Variants in COL4A1 observed in about 807,000 individuals in gnomAD.
The protein encoded by COL4A1 is collagen alpha-1(IV) chain.
In COL4A1, 40 loss-of-function variants were observed where a neutral mutation model predicts 216.6. The observed-to-expected ratio is 0.18, with a 90% CI of 0.14 to 0.24. The LOEUF (loss-of-function observed/expected upper bound fraction) is 0.24, where lower values mean the gene tolerates loss of function less well. COL4A1 is among the 10% of genes least tolerant of loss of function. The pLI, the probability that COL4A1 is intolerant of heterozygous loss-of-function variation, is 1.00. For synonymous variants in COL4A1, 839 were observed against 810.7 expected (o/e 1.03, Z -0.59); for missense variants, 1,628 against 2,196.8 (o/e 0.74, Z 5.18).
At chr13:110,186,677 C>G in intron 25 of COL4A1, 124 bp from the exon 26 acceptor site, 1 of 1,235,440 alleles carries the variant, frequency 8.1e-7, no homozygotes, top group Non-Finnish European at 1.1e-6. Context: ...TATTTATTTA[C>G]TTCATCTACC....
At chr13:110,302,100 G>A (rs905821301) in intron 1 of COL4A1, among the ~76,000 whole-genome samples, 4 of 152,152 alleles carry the variant, frequency 2.6e-5, no homozygotes, top group Non-Finnish European at 4.4e-5. Flanking sequence ...CGTGGGAAGG[G>A]AAAGCTGCGG....
At chr13:110,220,104 A>G (rs1880402846) in intron 2 of COL4A1, among the ~76,000 whole-genome samples, 1 of 151,588 alleles carries the variant, frequency 6.6e-6, no homozygotes, top group Admixed American at 6.6e-5. Flanking sequence ...TGCGCCGCTA[A>G]TTTTTGTATT....
chr13:110,236,580 A>G (rs1447022243), intron 2 of COL4A1, among the ~76,000 whole-genome samples: 1 of 152,188 alleles, frequency 6.6e-6, no homozygotes, highest in African/African-American at 2.4e-5. Flanking sequence ...CCTGAGTCAA[A>G]GAGAGGACGT....
At chr13:110,247,701 C>A (rs1048116946) in intron 1 of COL4A1, among the ~76,000 whole-genome samples, 1 of 151,342 alleles carries the variant, frequency 6.6e-6, no homozygotes, top group African/African-American at 2.4e-5. Context: ...GAATTCCATT[C>A]CAGAGGATGC....
At chr13:110,267,257 A>G (rs1012740653) in intron 1 of COL4A1, among the ~76,000 whole-genome samples, 1 of 152,126 alleles carries the variant, frequency 6.6e-6, no homozygotes, top group African/African-American at 2.4e-5. Flanking sequence ...CCCCTGCATG[A>G]CCCAGTGGAG....
chr13:110,253,837 C>T (rs926316835), intron 1 of COL4A1, among the ~76,000 whole-genome samples: 19 of 133,244 alleles, frequency 1.4e-4, no homozygotes, highest in Non-Finnish European at 2.3e-4. Flanking sequence ...ATTATATATA[C>T]GTATAATTAT....
At chr13:110,288,274 A>AAAAAT (rs1555316110) in intron 1 of COL4A1, among the ~76,000 whole-genome samples, 4 of 139,462 alleles carry the variant, frequency 2.9e-5, no homozygotes, top group Admixed American at 1.4e-4. Flanking sequence ...AAAAAAAAAA[A>AAAAAT]AATAATAATA....
chr13:110,271,159 C>T (rs982744488), intron 1 of COL4A1, among the ~76,000 whole-genome samples: 1 of 152,170 alleles, frequency 6.6e-6, no homozygotes, highest in Admixed American at 6.5e-5. Context: ...AAAGGGAAAG[C>T]TCTTCCCTTC....
intron 1 of COL4A1, chr13:110,265,924 C>G (rs1418285375): frequency 6.6e-6 from 1 of 152,210 alleles, no homozygotes; most frequent in African/African-American, 2.4e-5. Flanking sequence ...CCAGACTCCA[C>G]CATGCCTGCT....
At chr13:110,248,403 A>C (rs928970486) in intron 1 of COL4A1, among the ~76,000 whole-genome samples, 1 of 152,130 alleles carries the variant, frequency 6.6e-6, no homozygotes, top group African/African-American at 2.4e-5. Flanking sequence ...TCCTTCCCCC[A>C]AATTCCACTC....
Position 110,223,540 on chromosome 13 carries a change from A to T in COL4A1, c.145-9525T>A, listed in dbSNP as rs980480609. 4.3e-4 allele frequency among the ~76,000 whole-genome samples: 65 copies of T among 152,322 alleles called. 1 individual carries two copies. Among genetic ancestry groups the T allele is most frequent in the South Asian group, 1.4e-3 (7 of 4,828 alleles). ...TTCTGTTTCTCAAATATATATTTTTAAAAACATCTTCAAAACGAGAAAAAC... is the reference window on the plus strand; with the variant it reads ...TTCTGTTTCTCAAATATATATTTTTTAAAACATCTTCAAAACGAGAAAAAC... On this transcript the variant is annotated intron_variant, in intron 2 of 51. Coordinates refer to ENST00000375820, the MANE Select transcript of COL4A1 (RefSeq NM_001845.6).
chr13:110,219,716 A>ATATATATGTGTG (rs1566385132), intron 2 of COL4A1, among the ~76,000 whole-genome samples: 1 of 137,414 alleles, frequency 7.3e-6, no homozygotes, highest in African/African-American at 2.7e-5. Flanking sequence ...ACATATGTGT[A>ATATATATGTGTG]TATATATGTG....
chr13:110,301,501 T>C (rs12431029), intron 1 of COL4A1, among the ~76,000 whole-genome samples: 58,188 of 152,098 alleles, frequency 0.38, 11,461 homozygotes, highest in Non-Finnish European at 0.44. Context: ...CTACCCTCAC[T>C]GTATGTATTA....
chr13:110,255,058 G>C (rs983808996), intron 1 of COL4A1, among the ~76,000 whole-genome samples: 7 of 152,216 alleles, frequency 4.6e-5, no homozygotes, highest in African/African-American at 1.7e-4. Context: ...GGCTGGACAA[G>C]CCAGCAGGAG....
chr13:110,304,267 T>C (rs1884602340), intron 1 of COL4A1, among the ~76,000 whole-genome samples: 1 of 152,168 alleles, frequency 6.6e-6, no homozygotes, highest in Non-Finnish European at 1.5e-5. Context: ...CTAAACTACA[T>C]TTCCAGTAGA....
intron 1 of COL4A1, among the ~76,000 whole-genome samples, chr13:110,290,069 C>A (rs1002232302): frequency 1.3e-5 from 2 of 152,234 alleles, no homozygotes; most frequent in African/African-American, 4.8e-5. Flanking sequence ...GTCACTCCTT[C>A]CAAAGGTGAC....
rs1257252049 is a variant in COL4A1, at chr13:110,307,000, G to A, written c.28C>T (p.Leu10=). 6.8e-7 allele frequency: 1 copy of A among 1,476,388 alleles called. No individual in the cohort carries two copies. The highest frequency in any genetic ancestry group is 8.9e-7 in the Non-Finnish European group (1 of 1,119,294). 91.5% of individuals were successfully genotyped at this position (1,476,388 alleles called of 1,614,324 possible). A position where few individuals can be genotyped will look rare whatever the true frequency, so the allele number is the denominator to read the frequency against. ...AGCAGAAGGGCGGCGGGCAGCAGCA[G>A]CAGCCAGACGCTGAGCCGGGGCCCC... The part of the protein sequence containing the change: MGPRLSVWL[L]LLPAALLLHE... Residue 10 remains leucine (L), a synonymous_variant, in exon 1 of 52, where the codon CTG becomes TTG. Coordinates refer to ENST00000375820, the MANE Select transcript of COL4A1 (RefSeq NM_001845.6).
At chr13:110,246,028 T>C (rs693831) in intron 1 of COL4A1, among the ~76,000 whole-genome samples, 118,593 of 151,992 alleles carry the variant, frequency 0.78, 46,711 homozygotes, top group East Asian at 0.92. Flanking sequence ...TTCTAAAAAA[T>C]TGATCATTCC....
intron 51 of COL4A1, among the ~76,000 whole-genome samples, chr13:110,151,737 G>A (rs954031799): frequency 3.3e-5 from 5 of 152,328 alleles, no homozygotes; most frequent in Admixed American, 6.5e-5. Context: ...TTCATTATGC[G>A]TTCCTGGCCT....
Sources: gnomAD v4.1 joint callset for allele counts (sites outside exome capture counted in the v4.1 genomes callset) on GRCh38, gnomAD v4.1.1 for gene constraint, MANE v1.5 for transcripts, NCBI Gene and HGNC (gene_info 2026-07-23, HGNC 2026-07-21) for gene names.